Variants in ADRA1B observed in about 807,000 individuals in gnomAD.
The protein encoded by ADRA1B is adrenoceptor alpha 1B.
ADRA1B carries 17 observed loss-of-function variants against 17.9 expected under a neutral mutation model. That is an observed-to-expected ratio of 0.95 (90% confidence interval 0.65 to 1.42). The LOEUF (loss-of-function observed/expected upper bound fraction) is 1.42. Among genes scored for constraint, ADRA1B ranks in the 40% most tolerant of loss-of-function variants. ADRA1B has a pLI of 0.00. For synonymous variants in ADRA1B, 366 were observed against 327.6 expected (o/e 1.12, Z -1.27); for missense variants, 681 against 722.1 (o/e 0.94, Z 0.65).
chr5:159,956,763 A>G (rs904824740), intron 1 of ADRA1B, among the ~76,000 whole-genome samples: 1 of 152,228 alleles, frequency 6.6e-6, no homozygotes, highest in Non-Finnish European at 1.5e-5. Context: ...CAAAATTTAC[A>G]TCTCCGCCCA....
chr5:159,977,111 A>T (rs191189990), downstream of ADRA1B, among the ~76,000 whole-genome samples: 4 of 152,228 alleles, frequency 2.6e-5, no homozygotes, highest in Non-Finnish European at 5.9e-5. Context: ...AGTTCCTTTA[A>T]GAATGTAATA....
the ADRA1B span, among the ~76,000 whole-genome samples, chr5:159,987,306 G>T: frequency 6.6e-6 from 1 of 152,230 alleles, no homozygotes; most frequent in Admixed American, 6.5e-5. Flanking sequence ...GCCCAGGTGC[G>T]CGGGTCTCTC....
At chr5:159,869,951 G>A (rs1337290286) in intron 1 of ADRA1B, 1 of 152,178 alleles carries the variant, frequency 6.6e-6, no homozygotes, top group African/African-American at 2.4e-5. Flanking sequence ...GCCAATGGCA[G>A]GCACTGGGCT....
At chr5:159,963,816 T>C (rs560476563) in intron 1 of ADRA1B, among the ~76,000 whole-genome samples, 1 of 152,334 alleles carries the variant, frequency 6.6e-6, no homozygotes, top group South Asian at 2.1e-4. Flanking sequence ...TGGGGCCATG[T>C]CCAGCCAAGA....
intron 1 of ADRA1B, among the ~76,000 whole-genome samples, chr5:159,904,092 A>G (rs1250597310): frequency 6.6e-6 from 1 of 152,214 alleles, no homozygotes; most frequent in Non-Finnish European, 1.5e-5. Context: ...ATGTCTTTCC[A>G]TAGTTTTGCA....
At chr5:159,867,630 TC>T (rs1326504065) in intron 1 of ADRA1B, among the ~76,000 whole-genome samples, 3 of 152,210 alleles carry the variant, frequency 2.0e-5, no homozygotes, top group Non-Finnish European at 4.4e-5. Flanking sequence ...GGATGTCTCC[TC>T]AGAAAGAATT....
chr5:159,923,163 A>G (rs1205700248), intron 1 of ADRA1B, among the ~76,000 whole-genome samples: 1 of 152,288 alleles, frequency 6.6e-6, no homozygotes, highest in East Asian at 1.9e-4. Flanking sequence ...GGTGCGTGTC[A>G]AGGCCAGAGG....
At chr5:159,869,689 C>G (rs1753710407) in intron 1 of ADRA1B, 1 of 152,180 alleles carries the variant, frequency 6.6e-6, no homozygotes, top group African/African-American at 2.4e-5. Flanking sequence ...GCTGGCATCC[C>G]TGGGTTTAAG....
chr5:159,897,376 C>T (rs941777455), intron 1 of ADRA1B, among the ~76,000 whole-genome samples: 2 of 152,052 alleles, frequency 1.3e-5, no homozygotes, highest in Non-Finnish European at 2.9e-5. Flanking sequence ...ATCCCAGCTA[C>T]TCGGGAGGCT....
At chr5:159,898,991 T>C (rs1345986240) in intron 1 of ADRA1B, among the ~76,000 whole-genome samples, 1 of 151,748 alleles carries the variant, frequency 6.6e-6, no homozygotes, top group African/African-American at 2.4e-5. Context: ...AAAAAAAAGT[T>C]TTTTAATTAG....
Position 159,963,297 on chromosome 5 carries a change from T to TATATATGTATATATATATATATATAC in ADRA1B, c.950-8576_950-8575insGTATATATATATATATATACATATAT, listed in dbSNP as rs1755712484. On this transcript the variant is annotated intron_variant, in intron 1 of 1. Coordinates refer to ENST00000306675, the MANE Select transcript of ADRA1B (RefSeq NM_000679.4). ...TGAATAAACAAAAAAAGTATATATA[T>TATATATGTATATATATATATATATAC]ATATATATATATCCACACACATAAG... is the stretch of plus-strand genomic sequence containing the variant. Among the ~76,000 whole-genome samples the TATATATGTATATATATATATATATAC allele has an allele frequency of 2.7e-5, 4 of 150,336 alleles. No individual in the cohort carries two copies. The East Asian group carries it at 5.8e-4, about 22-fold the overall frequency.
chr5:159,974,890 C>G (rs571223990), downstream of ADRA1B, among the ~76,000 whole-genome samples: 3 of 152,266 alleles, frequency 2.0e-5, no homozygotes, highest in East Asian at 1.9e-4. Flanking sequence ...AATAATTTGA[C>G]TGGGTCACAC....
Position 159,972,521 on chromosome 5 carries a change from G to A in ADRA1B, c.*29G>A. Reference sequence around the variant, plus strand: ...CCCCGTGCGCAGCTTTCTTTCCCTGGGGAGGAAAACATCGTGGGGGGGAGG... The same window carrying A: ...CCCCGTGCGCAGCTTTCTTTCCCTGAGGAGGAAAACATCGTGGGGGGGAGG... On this transcript the variant is annotated 3_prime_UTR_variant, in exon 2 of 2. Transcript: ENST00000306675. The A allele has an allele frequency of 2.1e-6, 2 of 938,586 alleles. No homozygotes were observed. The highest frequency in any genetic ancestry group is 2.6e-6 in the Non-Finnish European group (2 of 756,468). 58.1% of individuals were successfully genotyped at this position (938,586 alleles called of 1,614,324 possible).
At chr5:159,973,111 G>C (rs924583233), downstream of ADRA1B, among the ~76,000 whole-genome samples, 1 of 152,132 alleles carries the variant, frequency 6.6e-6, no homozygotes, top group Non-Finnish European at 1.5e-5. Context: ...AGGGTCCTTC[G>C]CTTTCCATTC....
the ADRA1B span, among the ~76,000 whole-genome samples, chr5:159,979,138 C>G: frequency 6.6e-6 from 1 of 151,314 alleles, no homozygotes; most frequent in Non-Finnish European, 1.5e-5. Flanking sequence ...CCAGCCTGGG[C>G]AACACAGTAA....
chr5:159,906,403 G>T (rs539750804), intron 1 of ADRA1B, among the ~76,000 whole-genome samples: 1 of 152,278 alleles, frequency 6.6e-6, no homozygotes, highest in Admixed American at 6.5e-5. Flanking sequence ...ACCTCCATTG[G>T]ATCATCTGTA....
intron 1 of ADRA1B, among the ~76,000 whole-genome samples, chr5:159,968,288 C>T (rs1480595282): frequency 6.6e-6 from 1 of 152,150 alleles, no homozygotes; most frequent in Non-Finnish European, 1.5e-5. Context: ...GAAGAGTTAG[C>T]ACAGGACCTG....
chr5:159,890,808 G>A (rs1205408057), intron 1 of ADRA1B, among the ~76,000 whole-genome samples: 1 of 152,224 alleles, frequency 6.6e-6, no homozygotes, highest in East Asian at 1.9e-4. Flanking sequence ...TTCAAGGGAA[G>A]GGAACAGAAA....
chr5:159,900,868 C>T (rs1425542346), intron 1 of ADRA1B, among the ~76,000 whole-genome samples: 1 of 152,194 alleles, frequency 6.6e-6, no homozygotes, highest in Non-Finnish European at 1.5e-5. Context: ...AAAATTACAT[C>T]TGCTCTCAAA....
Sources: allele counts gnomAD v4.1 joint callset (sites outside exome capture counted in the v4.1 genomes callset), GRCh38; gene constraint gnomAD v4.1.1; transcripts MANE v1.5; gene names NCBI Gene and HGNC (gene_info 2026-07-23, HGNC 2026-07-21).